The following EYS variants were observed in gnomAD, a reference collection of about 807,000 sequenced individuals.
EYS encodes the protein EGF-like photoreceptor maintenance factor.
A neutral mutation model predicts 282.1 loss-of-function variants in EYS; 250 were observed. The ratio of observed to expected loss-of-function variants is 0.89; its 90% CI spans 0.80 to 0.98. The LOEUF (loss-of-function observed/expected upper bound fraction) is 0.98. EYS is among the 50% of genes least tolerant of loss of function. The pLI is 0.00. For synonymous variants in EYS, 1,355 were observed against 1,282.9 expected (o/e 1.06, Z -1.20); for missense variants, 4,016 against 3,709.0 (o/e 1.08, Z -2.15).
chr6:65,567,063 G>A (rs1764290902), intron 2 of EYS, among the ~76,000 whole-genome samples: 1 of 151,890 alleles, frequency 6.6e-6, no homozygotes, highest in African/African-American at 2.4e-5. Flanking sequence ...CTCATGAATG[G>A]ATTAATGCTG....
intron 28 of EYS, among the ~76,000 whole-genome samples, chr6:64,399,010 A>T (rs901209438): frequency 1.3e-5 from 2 of 151,834 alleles, no homozygotes; most frequent in African/African-American, 4.8e-5. Flanking sequence ...AAATGATAAA[A>T]ATAAAAAAGC....
intron 30 of EYS, among the ~76,000 whole-genome samples, chr6:64,253,788 A>G (rs1211749264): frequency 2.6e-5 from 4 of 151,814 alleles, no homozygotes; most frequent in Non-Finnish European, 5.9e-5. Context: ...TTTAGCCGTT[A>G]TGAATCAAGG....
At chr6:65,695,300 G>T (rs142879898) in intron 1 of EYS, among the ~76,000 whole-genome samples, 2 of 152,016 alleles carry the variant, frequency 1.3e-5, no homozygotes, top group East Asian at 3.9e-4. Flanking sequence ...CCCTTGTTTG[G>T]CAAGATTATG....
At chr6:64,282,376 C>T (rs1165797126) in intron 30 of EYS, among the ~76,000 whole-genome samples, 1 of 152,072 alleles carries the variant, frequency 6.6e-6, no homozygotes, top group Non-Finnish European at 1.5e-5. Context: ...TTACAGAAGT[C>T]CAACACTTGA....
intron 30 of EYS, among the ~76,000 whole-genome samples, chr6:64,231,186 G>C (rs906601942): frequency 6.6e-6 from 1 of 152,156 alleles, no homozygotes; most frequent in Non-Finnish European, 1.5e-5. Flanking sequence ...GTTTGAACTT[G>C]AAGGATTTCT....
intron 12 of EYS, among the ~76,000 whole-genome samples, chr6:65,290,550 T>C (rs1234999617): frequency 6.6e-6 from 1 of 151,296 alleles, no homozygotes; most frequent in Non-Finnish European, 1.5e-5. Context: ...TAGCAAATCC[T>C]AAGGAATTTT....
In EYS at chr6:65,126,681, C is replaced by T. The variant is rs185729607; in HGVS notation, c.2024-68954G>A. Among the ~76,000 whole-genome samples the T allele has an allele frequency of 3.0e-3, 458 of 152,228 alleles. 1 individual carries two copies. Among genetic ancestry groups the T allele is most frequent in the Non-Finnish European group, 5.1e-3 (349 of 68,024 alleles). ...ATGCAGTCAGCTAAGTATAGGAATACTAGTTAGTAATGAATGTGTTCTGGA... is the reference window on the plus strand; with the variant it reads ...ATGCAGTCAGCTAAGTATAGGAATATTAGTTAGTAATGAATGTGTTCTGGA... On this transcript the variant is annotated intron_variant, in intron 12 of 42. Coordinates refer to ENST00000503581, the MANE Select transcript of EYS (RefSeq NM_001142800.2).
At chr6:65,445,889 A>G (rs528515903) in intron 5 of EYS, among the ~76,000 whole-genome samples, 2 of 151,958 alleles carry the variant, frequency 1.3e-5, no homozygotes, top group East Asian at 3.9e-4. Flanking sequence ...ATTTTATGAT[A>G]TATAATTTTC....
At chr6:65,473,245 C>T (rs1189426801) in intron 5 of EYS, among the ~76,000 whole-genome samples, 1 of 151,782 alleles carries the variant, frequency 6.6e-6, no homozygotes, top group Non-Finnish European at 1.5e-5. Flanking sequence ...TTTGATATGT[C>T]ATTTCTGTGT....
intron 12 of EYS, among the ~76,000 whole-genome samples, chr6:65,059,673 T>C (rs1380546181): frequency 6.6e-6 from 1 of 151,800 alleles, no homozygotes; most frequent in African/African-American, 2.4e-5. Context: ...TCTAAGAAAA[T>C]GAAGGGGAGG....
chr6:65,568,458 T>C (rs545005116), intron 2 of EYS, among the ~76,000 whole-genome samples: 1 of 152,192 alleles, frequency 6.6e-6, no homozygotes, highest in East Asian at 1.9e-4. Flanking sequence ...ATGTCAGGGA[T>C]TTTTCAATGA....
chr6:65,571,488 G>C (rs550351142), intron 2 of EYS, among the ~76,000 whole-genome samples: 6 of 151,878 alleles, frequency 4.0e-5, no homozygotes, highest in Non-Finnish European at 7.4e-5. Context: ...CCTTATAAAA[G>C]TGTAATTTCT....
intron 22 of EYS, among the ~76,000 whole-genome samples, chr6:64,799,450 T>A (rs150355275): frequency 7.2e-5 from 11 of 151,958 alleles, no homozygotes; most frequent in African/African-American, 2.6e-4. Context: ...TCCATTTGTT[T>A]ACAAGTTTCA....
chr6:64,620,887 T>C (rs946563317), intron 23 of EYS, among the ~76,000 whole-genome samples: 1 of 152,222 alleles, frequency 6.6e-6, no homozygotes, highest in African/African-American at 2.4e-5. Flanking sequence ...AAACTAATAG[T>C]ATTAACCTAA....
chr6:64,672,522 T>C (rs1036331067), intron 22 of EYS, among the ~76,000 whole-genome samples: 3 of 152,170 alleles, frequency 2.0e-5, no homozygotes, highest in African/African-American at 4.8e-5. Context: ...CAGAGAGACA[T>C]TCACTTTTTA....
At chr6:64,024,092 A>G (rs960273765) in intron 33 of EYS, among the ~76,000 whole-genome samples, 1 of 152,150 alleles carries the variant, frequency 6.6e-6, no homozygotes, top group Non-Finnish European at 1.5e-5. Flanking sequence ...GCCCAGTCCC[A>G]TCGACCACCC....
intron 26 of EYS, among the ~76,000 whole-genome samples, chr6:64,566,898 C>A (rs538757333): frequency 6.6e-6 from 1 of 152,216 alleles, no homozygotes; most frequent in Non-Finnish European, 1.5e-5. Context: ...CTCAGCCTCC[C>A]AAGCAGCTGG....
chr6:64,682,802 C>T (rs897133961), intron 22 of EYS, among the ~76,000 whole-genome samples: 1 of 152,062 alleles, frequency 6.6e-6, no homozygotes, highest in African/African-American at 2.4e-5. Flanking sequence ...TCTAAAGAAC[C>T]TTTTTAAATA....
At chr6:63,995,990 A>G (rs1479229927) in intron 34 of EYS, among the ~76,000 whole-genome samples, 1 of 151,170 alleles carries the variant, frequency 6.6e-6, no homozygotes, top group East Asian at 1.9e-4. Flanking sequence ...GAGGTAATGG[A>G]TATGCTAATT....
Sources: allele counts gnomAD v4.1 joint callset (sites outside exome capture counted in the v4.1 genomes callset), GRCh38; gene constraint gnomAD v4.1.1; transcripts MANE v1.5; gene names NCBI Gene and HGNC (gene_info 2026-07-23, HGNC 2026-07-21).